ABCA3: variants seen among roughly 807,000 people sequenced by gnomAD.
ABCA3 encodes the protein ATP binding cassette subfamily A member 3, also known as phospholipid-transporting ATPase ABCA3.
ABCA3 carries 88 observed loss-of-function variants against 172.8 expected under a neutral mutation model. That is an observed-to-expected ratio of 0.51 (90% CI 0.43 to 0.61). The LOEUF is 0.61. Ranked by LOEUF, ABCA3 falls within the 20% of genes least tolerant of loss-of-function variation. The pLI, the probability that ABCA3 is intolerant of heterozygous loss-of-function variation, is 0.00. For synonymous variants in ABCA3, 1,066 were observed against 983.8 expected, an observed-to-expected ratio of 1.08 and a Z score of -1.56; for missense variants, 2,164 against 2,301.0, an observed-to-expected ratio of 0.94 and a Z score of 1.22.
Position 2,326,468 on chromosome 16 carries a change from G to A in ABCA3, c.-2C>T, listed in dbSNP as rs760334694. ...CGCCAGCTGCCTGAGCACAGCCATC[G>A]TCTTGCTGAAAGGGACGCCCAGTGC... is the stretch of plus-strand genomic sequence containing the variant. On this transcript the variant is annotated 5_prime_UTR_variant, in exon 4 of 33. In the 5' UTR this introduces an upstream ATG that the reference lacks. Coordinates refer to ENST00000301732, the MANE Select transcript of ABCA3 (RefSeq NM_001089.3). 1.4e-5 allele frequency: 23 copies of A among 1,610,532 alleles called. No individual in the cohort carries two copies. In the African/African-American group the frequency reaches 1.5e-4, roughly 10 times the overall value.
chr16:2,283,042 G>A lies in ABCA3; in HGVS notation c.4035+144C>T, dbSNP rs954448493. On this transcript the variant is annotated intron_variant, in intron 26 of 32. Coordinates refer to ENST00000301732, the MANE Select transcript of ABCA3 (RefSeq NM_001089.3). This position sits in a 1 kb window ranked among gnomAD's most constrained non-coding sequence, Gnocchi z 5.4. ...CCCGCCCTGGCTGTAAGTGCCGGCTGGTGCTGAGGCCGTACAGTGGGAGAC... is the reference window on the plus strand; with the variant it reads ...CCCGCCCTGGCTGTAAGTGCCGGCTAGTGCTGAGGCCGTACAGTGGGAGAC... 1.6e-5 allele frequency: 15 copies of A among 957,758 alleles called. No individual in the cohort carries two copies. The highest frequency in any genetic ancestry group is 1.8e-5 in the Non-Finnish European group (11 of 624,146). 59.3% of individuals were successfully genotyped at this position (957,758 alleles called of 1,614,324 possible). A position where few individuals can be genotyped will look rare whatever the true frequency, so the allele number is the denominator to read the frequency against.
intron 1 of ABCA3, among the ~76,000 whole-genome samples, chr16:2,331,833 CG>C (rs2141747892): frequency 6.6e-6 from 1 of 152,288 alleles, no homozygotes; most frequent in African/African-American, 2.4e-5. Flanking sequence ...CTAAAGCTGC[CG>C]CCTCTGCCCA....
Position 2,278,637 on chromosome 16 carries a change from C to G in ABCA3, c.4548-179G>C, listed in dbSNP as rs559764392. On this transcript the variant is annotated intron_variant, in intron 29 of 32. Transcript: ENST00000301732. The surrounding 1 kb of genome is among the most constrained non-coding windows in gnomAD (Gnocchi z 4.4). ...AGCCCACCGCATAGGGCTGGAGGCC[C>G]CAGAGAAGGCTGTTCCCAGGGGCCC... 6.6e-6 allele frequency among the ~76,000 whole-genome samples: 1 copy of G among 152,314 alleles called. No homozygotes were observed. Among genetic ancestry groups the G allele is most frequent in the East Asian group, 1.9e-4 (1 of 5,188 alleles).
At chr16:2,325,841 G>C (rs916169576) in intron 5 of ABCA3, among the ~76,000 whole-genome samples, 169 bp downstream of exon 5, 1 of 152,206 alleles carries the variant, frequency 6.6e-6, no homozygotes, top group Admixed American at 6.5e-5. Context: ...TTAAGGAACA[G>C]CAGTGCCTTT....
At chr16:2,320,113 T>G (rs2093723581) in intron 7 of ABCA3, among the ~76,000 whole-genome samples, 1 of 152,090 alleles carries the variant, frequency 6.6e-6, no homozygotes, top group Non-Finnish European at 1.5e-5. Context: ...CTTTTTTTTT[T>G]TTTGAGACGG....
intron 5 of ABCA3, 71 bp downstream of exon 5, chr16:2,325,939 C>A: frequency 6.2e-7 from 1 of 1,602,566 alleles, no homozygotes; most frequent in Non-Finnish European, 8.5e-7. Flanking sequence ...ACATCCTGGG[C>A]TCGACCCCTG....
chr16:2,316,344 G>T (rs961318855), intron 10 of ABCA3, among the ~76,000 whole-genome samples: 12 of 106,858 alleles, frequency 1.1e-4, no homozygotes, highest in South Asian at 3.1e-4. Context: ...AAGAAAAAAA[G>T]AAAAGAAAAA....
At chr16:2,315,839 CTTTTTTTT>C (rs536716259) in intron 10 of ABCA3, among the ~76,000 whole-genome samples, 10 of 104,846 alleles carry the variant, frequency 9.5e-5, no homozygotes, top group Non-Finnish European at 1.3e-4. Context: ...AATTTTTAAA[CTTTTTTTT>C]TTTTTTTTTT....
intron 1 of ABCA3, chr16:2,332,585 G>T: frequency 1.4e-6 from 2 of 1,439,396 alleles, no homozygotes; most frequent in Non-Finnish European, 1.9e-6. Flanking sequence ...TTGCTGAGAA[G>T]CAAAACTGGC....
chr16:2,304,138 T>C lies in ABCA3; in HGVS notation c.1298A>G (p.Gln433Arg), dbSNP rs758103441. The C allele has an allele frequency of 3.3e-5, 54 of 1,614,022 alleles. No homozygotes were observed. Among genetic ancestry groups the C allele is most frequent in the African/African-American group, 6.7e-5 (5 of 74,940 alleles). Residue 433 changes from glutamine to arginine, a missense_variant, in exon 12 of 33, where the codon CAG becomes CGG. Transcript: ENST00000301732. The stretch of plus-strand genomic sequence containing the variant: ...GACGGGACTCAGGAGGTCTCGCCAC[T>C]GGATGCCCATGCCTGGAAGACACAT... Reference protein sequence around the residue: ...GKFEAKGMGIQWRDLLSPVNV... With the variant: ...GKFEAKGMGIRWRDLLSPVNV...
chr16:2,319,651 A>G lies in ABCA3; in HGVS notation c.803T>C (p.Leu268Pro), dbSNP rs1405420038. 1 of 1,613,832 alleles carries G rather than the reference A, an allele frequency of 6.2e-7. No individual in the cohort carries two copies. The highest frequency in any genetic ancestry group is 1.6e-4 in the Middle Eastern group (1 of 6,062). Residue 268 changes from leucine to proline, a missense_variant, in exon 8 of 33, where the codon CTG (leucine) becomes CCG (proline). Transcript: ENST00000301732. ...AIQYQLPLLL[L>P]LSFTYTALTI... Reference sequence around the variant, plus strand: ...GAGCGCGGTGTAGGTGAAGCTGAGCAGCAGCAGCAGGGGCAGCTGGTACTG... The same window carrying G: ...GAGCGCGGTGTAGGTGAAGCTGAGCGGCAGCAGCAGGGGCAGCTGGTACTG...
intron 12 of ABCA3, 71 bp from the exon 13 acceptor site, chr16:2,300,219 T>C: frequency 1.3e-6 from 2 of 1,597,828 alleles, no homozygotes; most frequent in Non-Finnish European, 1.7e-6. Flanking sequence ...GCAGACACAC[T>C]AGATGCACAC....
intron 28 of ABCA3, 89 bp downstream of exon 28, chr16:2,280,938 G>A: frequency 2.0e-6 from 3 of 1,519,212 alleles, no homozygotes; most frequent in Non-Finnish European, 2.7e-6. Flanking sequence ...GCAGCTGTTT[G>A]GGGACAGCAT....
At chr16:2,288,445 G>A (rs1384691897) in intron 20 of ABCA3, 116 bp from the exon 21 acceptor site, 1 of 1,242,908 alleles carries the variant, frequency 8.0e-7, no homozygotes, top group Non-Finnish European at 1.1e-6. Flanking sequence ...CTGCAGCTGA[G>A]GTTGCACCGG....
At position 2,288,042 on chromosome 16, in the gene ABCA3, C is replaced by A; in HGVS notation, c.2988G>T (p.Glu996Asp). ...GCCCCTTACCGAGCACCTCGCGGGG[C>A]TCCTGTCCCTCAGCCTGCAGTGCGT... ...LKDALQAEGQ[E>D]PREVLGDLEE... The change falls in exon 21 of 33, where the codon GAG (glutamate) becomes GAT (aspartate). Residue 996 changes from glutamate to aspartate, a missense_variant. This residue lies in a region of ABCA3 where 1,343 missense variants were observed against 1,369.6 expected (regional missense o/e 0.98). Transcript: ENST00000301732. The A allele has an allele frequency of 6.2e-7, 1 of 1,609,276 alleles. No homozygotes were observed.
At position 2,276,622 on chromosome 16, in the gene ABCA3, G is replaced by A; in HGVS notation, c.*52C>T. Reference sequence around the variant, plus strand: ...ACTTGGAGAGAGAGGATGTAAGATGGGCCCTGCTTGCCCGTCCTGTCCCTG... The same window carrying A: ...ACTTGGAGAGAGAGGATGTAAGATGAGCCCTGCTTGCCCGTCCTGTCCCTG... On this transcript the variant is annotated 3_prime_UTR_variant, in exon 33 of 33. Coordinates refer to ENST00000301732, the MANE Select transcript of ABCA3 (RefSeq NM_001089.3). The A allele has an allele frequency of 6.2e-7, 1 of 1,602,840 alleles. No individual in the cohort carries two copies.
At chr16:2,319,950 G>A (rs45602333) in intron 7 of ABCA3, 110 bp from the exon 8 acceptor site, 3 of 1,482,728 alleles carry the variant, frequency 2.0e-6, no homozygotes, top group African/African-American at 2.8e-5. Flanking sequence ...GCAACAGAGT[G>A]ACTTCAGCTC....
In ABCA3 at chr16:2,278,480, G is replaced by A. The variant is rs766969948; in HGVS notation, c.4548-22C>T. ...ACCACTAGAGGCAGGAGGGTGCCAGGTGGGGGAATAAGGCTGAGAGTTAGC... is the reference window on the plus strand; with the variant it reads ...ACCACTAGAGGCAGGAGGGTGCCAGATGGGGGAATAAGGCTGAGAGTTAGC... On this transcript the variant is annotated intron_variant, in intron 29 of 32. Coordinates refer to ENST00000301732, the MANE Select transcript of ABCA3 (RefSeq NM_001089.3). The surrounding 1 kb of genome is among the most constrained non-coding windows in gnomAD (Gnocchi z 4.4). 6.2e-7 allele frequency: 1 copy of A among 1,608,722 alleles called. No individual in the cohort carries two copies.
chr16:2,310,630 C>T (rs1332917057), intron 10 of ABCA3, among the ~76,000 whole-genome samples: 1 of 151,656 alleles, frequency 6.6e-6, no homozygotes, highest in Non-Finnish European at 1.5e-5. Flanking sequence ...GATTCTCCCA[C>T]CTCAGCCTCC....
Sources: gnomAD v4.1 joint callset for allele counts (sites outside exome capture counted in the v4.1 genomes callset) on GRCh38, gnomAD v4.1.1 for gene constraint, gnomAD v4.1.1 regional missense constraint, Gnocchi (gnomAD v3.1) non-coding constraint, MANE v1.5 for transcripts, NCBI Gene and HGNC (gene_info 2026-07-23, HGNC 2026-07-21) for gene names.